NADSYN1: variants seen among roughly 807,000 people sequenced by gnomAD.
The protein encoded by NADSYN1 is NAD synthetase 1, also known as glutamine-dependent NAD(+) synthetase.
In NADSYN1, 80 loss-of-function variants were observed where a neutral mutation model predicts 99.3. The ratio of observed to expected loss-of-function variants is 0.81; its 90% confidence interval spans 0.67 to 0.97. NADSYN1 has a LOEUF of 0.97. NADSYN1 is among the 50% of genes least tolerant of loss of function. The pLI is 0.00. For missense variants in NADSYN1, 859 were observed against 948.5 expected, an observed-to-expected ratio of 0.91 and a Z score of 1.24; for synonymous variants, 385 against 372.1, an observed-to-expected ratio of 1.03 and a Z score of -0.40.
intron 13 of NADSYN1, 65 bp downstream of exon 13, chr11:71,482,090 G>T: frequency 1.4e-6 from 2 of 1,434,172 alleles, no homozygotes. Flanking sequence ...CTGAGTTAGG[G>T]ACCTAGGAGG....
chr11:71,486,815 T>C (rs1408613084), intron 16 of NADSYN1, among the ~76,000 whole-genome samples: 1 of 139,180 alleles, frequency 7.2e-6, no homozygotes, highest in African/African-American at 2.7e-5. Flanking sequence ...TTTTTTTTTT[T>C]TTTTTTTTGA....
rs750234461 is a variant in NADSYN1, at chr11:71,490,884, G to A, written c.1602G>A (p.Ala534=). 33 of 1,614,094 alleles carry A rather than the reference G, an allele frequency of 2.0e-5. No homozygotes were observed. The highest frequency in any genetic ancestry group is 9.9e-5 in the South Asian group (9 of 91,092). ...TGACCAAGTACGACTGCTCCAGTGC[G>A]GACATCAACCCCATAGGCGGGATCA... ...GYLTKYDCSS[A]DINPIGGISK... is the part of the protein sequence containing the mutation. Residue 534 remains alanine, a synonymous_variant, in exon 17 of 21, where the codon GCG becomes GCA. Coordinates refer to ENST00000319023, the MANE Select transcript of NADSYN1 (RefSeq NM_018161.5).
intron 10 of NADSYN1, chr11:71,480,267 A>C (rs554540455): frequency 6.2e-6 from 1 of 161,926 alleles, no homozygotes; most frequent in South Asian, 1.6e-4. Flanking sequence ...TCTGCCTCGT[A>C]GATTCAAGTG....
intron 13 of NADSYN1, 169 bp from the exon 14 acceptor site, chr11:71,482,680 G>A: frequency 1.9e-6 from 1 of 529,452 alleles, no homozygotes; most frequent in South Asian, 2.2e-5. Flanking sequence ...CTGGGGTGGA[G>A]CCGCACAGGC....
At chr11:71,491,924 A>G (rs200379984) in intron 18 of NADSYN1, 21 bp downstream of exon 18, 2 of 1,610,196 alleles carry the variant, frequency 1.2e-6, no homozygotes, top group Middle Eastern at 1.7e-4. Context: ...TGGCTTTGCC[A>G]TGATGCTTCC....
chr11:71,501,184 C>G, intron 20 of NADSYN1, 118 bp from the exon 21 acceptor site: 1 of 948,448 alleles, frequency 1.1e-6, no homozygotes, highest in Non-Finnish European at 1.5e-6. Context: ...GGTGGGGACT[C>G]TGGTAATTTA....
rs538947151 is a variant in NADSYN1 at position 71,471,252 on chromosome 11, T to C, written c.408-1197T>C. On this transcript the variant is annotated intron_variant, in intron 5 of 20. Coordinates refer to ENST00000319023, the MANE Select transcript of NADSYN1 (RefSeq NM_018161.5). ...GGCTGGAGCCCACCAGAAGCAACTG[T>C]ACATTTTGGTTCACTTAGAGAAAGC... is the stretch of plus-strand genomic sequence containing the variant. Among the ~76,000 whole-genome samples the C allele has an allele frequency of 2.6e-5, 4 of 152,312 alleles. No individual in the cohort carries two copies. In the South Asian group the frequency reaches 8.3e-4, roughly 32 times the overall value.
intron 3 of NADSYN1, among the ~76,000 whole-genome samples, chr11:71,461,307 T>C (rs1361743712): frequency 1.3e-5 from 2 of 152,198 alleles, no homozygotes; most frequent in African/African-American, 4.8e-5. Context: ...AACATCTATT[T>C]CTCTCACACT....
chr11:71,466,297 T>G (rs1949588998), intron 5 of NADSYN1, among the ~76,000 whole-genome samples: 1 of 152,192 alleles, frequency 6.6e-6, no homozygotes, highest in Admixed American at 6.5e-5. Context: ...ACTTGGACTT[T>G]CACTTAACAT....
chr11:71,468,549 G>A (rs1949608158), intron 5 of NADSYN1, among the ~76,000 whole-genome samples: 1 of 151,980 alleles, frequency 6.6e-6, no homozygotes, highest in African/African-American at 2.4e-5. Flanking sequence ...AGACTAAAAA[G>A]GAAAAAATGA....
At chr11:71,456,062 C>T (rs571163056) in intron 2 of NADSYN1, among the ~76,000 whole-genome samples, 1 of 152,346 alleles carries the variant, frequency 6.6e-6, no homozygotes, top group African/African-American at 2.4e-5. Flanking sequence ...CTTTAGGCCT[C>T]TGACCCGTTG....
chr11:71,496,245 G>T (rs141632260), intron 18 of NADSYN1, among the ~76,000 whole-genome samples: 51 of 152,332 alleles, frequency 3.3e-4, no homozygotes, highest in African/African-American at 1.1e-3. Context: ...TGTTGGCAGA[G>T]TCCTGGTCCC....
intron 15 of NADSYN1, 120 bp downstream of exon 15, chr11:71,484,567 G>A (rs943562949): frequency 1.2e-5 from 17 of 1,389,222 alleles, no homozygotes; most frequent in Admixed American, 1.2e-4. Context: ...TCATGGCACC[G>A]GTTACCTAGG....
chr11:71,453,208 G>A lies in NADSYN1; in HGVS notation c.-89G>A. The A allele has an allele frequency of 8.5e-7, 1 of 1,173,416 alleles. No individual in the cohort carries two copies. The highest frequency in any genetic ancestry group is 1.2e-6 in the Non-Finnish European group (1 of 812,370). 72.7% of individuals were successfully genotyped at this position (1,173,416 alleles called of 1,614,324 possible). ...GGGAGGGGGCGGGGCCGGGCAACCCGGAAGGTCCGGCGTCCCAGCCGCCTA... is the reference window on the plus strand; with the variant it reads ...GGGAGGGGGCGGGGCCGGGCAACCCAGAAGGTCCGGCGTCCCAGCCGCCTA... On this transcript the variant is annotated 5_prime_UTR_variant, in exon 1 of 21. Transcript: ENST00000319023.
At chr11:71,484,200 T>C in intron 14 of NADSYN1, 112 bp from the exon 15 acceptor site, 1 of 1,463,582 alleles carries the variant, frequency 6.8e-7, no homozygotes, top group Non-Finnish European at 9.3e-7. Context: ...AATCATACGC[T>C]TTAAATGGGT....
At chr11:71,468,961 A>G (rs1295254715) in intron 5 of NADSYN1, among the ~76,000 whole-genome samples, 1 of 152,212 alleles carries the variant, frequency 6.6e-6, no homozygotes, top group African/African-American at 2.4e-5. Flanking sequence ...ATTTTATGGG[A>G]GGGCATTATT....
chr11:71,476,715 C>G (rs1463598044), intron 9 of NADSYN1: 1 of 862,952 alleles, frequency 1.2e-6, no homozygotes, highest in African/African-American at 3.6e-5. Flanking sequence ...GTGGTCCTCT[C>G]CCCGTTCACG....
At position 71,485,696 on chromosome 11, in the gene NADSYN1, G is replaced by T. The variant is rs904223440; in HGVS notation, c.1562+48G>T. The T allele has an allele frequency of 3.7e-6, 5 of 1,351,386 alleles. No homozygotes were observed. The African/African-American group carries it at 7.3e-5, about 20-fold the overall frequency. 83.7% of individuals were successfully genotyped at this position (1,351,386 alleles called of 1,614,324 possible). A position where few individuals can be genotyped will look rare whatever the true frequency, so the allele number is the denominator to read the frequency against. ...TGGTGGTGGGCCCCTGAACCTCTCA[G>T]GTCTCTGAAGGTGATACGCTGTGAG... is the stretch of plus-strand genomic sequence containing the variant. On this transcript the variant is annotated intron_variant, in intron 16 of 20. Coordinates refer to ENST00000319023, the MANE Select transcript of NADSYN1 (RefSeq NM_018161.5).
intron 11 of NADSYN1, 186 bp from the exon 12 acceptor site, chr11:71,481,170 C>T (rs1401052629): frequency 1.7e-5 from 12 of 693,312 alleles, no homozygotes; most frequent in Non-Finnish European, 2.7e-5. Context: ...ATAATACCCA[C>T]GTCCTGGGTC....
Sources: allele counts gnomAD v4.1 joint callset (sites outside exome capture counted in the v4.1 genomes callset), GRCh38; gene constraint gnomAD v4.1.1; transcripts MANE v1.5; gene names NCBI Gene and HGNC (gene_info 2026-07-23, HGNC 2026-07-21).